INSR: variants seen among roughly 807,000 people sequenced by gnomAD.
INSR encodes the protein IR.
INSR carries 67 observed loss-of-function variants against 142.6 expected under a neutral mutation model. The ratio of observed to expected loss-of-function variants is 0.47; its 90% CI spans 0.39 to 0.58. INSR has a LOEUF of 0.58. Among genes scored for constraint, INSR ranks in the 20% least tolerant of loss-of-function variants. The probability of loss-of-function intolerance (pLI) is 0.00; values close to 1 mark genes in which losing one functional copy is unlikely to be tolerated. For missense variants in INSR, 1,248 were observed against 1,833.2 expected (o/e 0.68, Z 5.83); for synonymous variants, 756 against 743.1 (o/e 1.02, Z -0.28).
At chr19:7,223,715 TG>T (rs376458293) in intron 2 of INSR, among the ~76,000 whole-genome samples, 66 of 152,320 alleles carry the variant, frequency 4.3e-4, no homozygotes, top group Middle Eastern at 3.4e-3. Flanking sequence ...GCTAGGGTTC[TG>T]AAGCCAGAGA....
rs1050978451 is a variant in INSR, at chr19:7,192,139, TAAG to T, written c.653-7505_653-7503del. ...AAGAAAGAGGGAGAAAGAAGAAAGA[TAAG>T]AGAGAGAGAAAGAGAAAGAAAAAGA... On this transcript the variant is annotated intron_variant, in intron 2 of 21. Transcript: ENST00000302850. The surrounding 1 kb of genome is among the most constrained non-coding windows in gnomAD (Gnocchi z 4.2). Among the ~76,000 whole-genome samples, 3 of 88,346 alleles carry T rather than the reference TAAG, an allele frequency of 3.4e-5. No individual in the cohort carries two copies. Among genetic ancestry groups the T allele is most frequent in the African/African-American group, 4.6e-5 (1 of 21,796 alleles). The allele number at this position is 88,346 out of a possible 152,430, so 58.0% of individuals were successfully genotyped here.
At position 7,267,426 on chromosome 19, in the gene INSR, T is replaced by C; in HGVS notation, c.571A>G (p.Lys191Glu). The change falls in exon 2 of 22, where the codon AAG becomes GAG. Residue 191 changes from lysine to glutamate, a missense_variant. Lys to Glu is a moderately conservative substitution (Grantham distance 56, BLOSUM62 1). This residue lies in a region of INSR where 1,069 missense variants were observed against 1,654.0 expected (regional missense o/e 0.65). Transcript: ENST00000302850. The surrounding 1 kb of genome is among the most constrained non-coding windows in gnomAD (Gnocchi z 6.3). ...GTGGCGGGGCAGTTGGTCTTGCCCT[T>C]CGCGGTACCCGGACAGATGTCTCCA... ...ECGDICPGTA[K>E]GKTNCPATVI... 1 of 1,614,106 alleles carries C rather than the reference T, an allele frequency of 6.2e-7. No homozygotes were observed. Among genetic ancestry groups the C allele is most frequent in the Non-Finnish European group, 8.5e-7 (1 of 1,180,002 alleles).
intron 13 of INSR, among the ~76,000 whole-genome samples, chr19:7,137,341 T>G (rs1972956492): frequency 6.6e-6 from 1 of 151,892 alleles, no homozygotes; most frequent in Admixed American, 6.6e-5. Flanking sequence ...GATTGGGCAC[T>G]GGATGTCACA....
In INSR at chr19:7,259,786, TC is replaced by T. The variant is rs1212277364; in HGVS notation, c.652+7558del. Among the ~76,000 whole-genome samples the T allele has an allele frequency of 2.0e-5, 3 of 149,416 alleles. No individual in the cohort carries two copies. The South Asian group carries it at 6.4e-4, about 32-fold the overall frequency. ...GTGAGCTCAGATCATGCCACTGCACTCCAGCCTGGACAACAGAGCGAGACTC... is the reference window on the plus strand; with the variant it reads ...GTGAGCTCAGATCATGCCACTGCACTCAGCCTGGACAACAGAGCGAGACTC... On this transcript the variant is annotated intron_variant, in intron 2 of 21. Transcript: ENST00000302850.
intron 13 of INSR, 46 bp downstream of exon 13, chr19:7,141,631 G>T (rs761314811): frequency 1.2e-6 from 2 of 1,612,084 alleles, no homozygotes; most frequent in Admixed American, 1.7e-5. Flanking sequence ...CTCTGAAGGG[G>T]CATGCTGAAG....
chr19:7,233,339 C>T (rs539453744), intron 2 of INSR, among the ~76,000 whole-genome samples: 106 of 152,212 alleles, frequency 7.0e-4, no homozygotes, highest in East Asian at 7.0e-3. Context: ...AAACAGATCC[C>T]GGAGAACTCC....
chr19:7,135,951 G>A (rs1972912465), intron 13 of INSR, among the ~76,000 whole-genome samples: 1 of 143,784 alleles, frequency 7.0e-6, no homozygotes, highest in Non-Finnish European at 1.5e-5. Context: ...CTGGGCTACA[G>A]AGATAGACTC....
At chr19:7,268,252 A>T (rs1308159845) in intron 1 of INSR, among the ~76,000 whole-genome samples, 2 of 152,032 alleles carry the variant, frequency 1.3e-5, no homozygotes, top group East Asian at 1.9e-4. Context: ...TCAACATAGA[A>T]GATCTTCAGG....
intron 10 of INSR, 46 bp downstream of exon 10, chr19:7,152,680 C>CAATTGGCACCCACT: frequency 6.6e-7 from 1 of 1,516,184 alleles, no homozygotes; most frequent in Non-Finnish European, 9.1e-7. Flanking sequence ...CCACCAACAC[C>CAATTGGCACCCACT]AAGCCAATTG....
At chr19:7,129,401 T>C (rs1418078253) in intron 14 of INSR, among the ~76,000 whole-genome samples, 1 of 152,194 alleles carries the variant, frequency 6.6e-6, no homozygotes, top group Non-Finnish European at 1.5e-5. Context: ...CTCGGCTCAC[T>C]GGAACCTCCT....
chr19:7,134,220 G>A (rs1301415412), intron 13 of INSR, among the ~76,000 whole-genome samples: 4 of 152,098 alleles, frequency 2.6e-5, no homozygotes, highest in Non-Finnish European at 5.9e-5. Flanking sequence ...TAAAAAAAGA[G>A]AACTGTCTGG....
Position 7,267,737 on chromosome 19 carries a change from T to TC in INSR, c.259_260insG (p.Tyr87Ter). The change falls in exon 2 of 22, where the codon TAC becomes TGAC. Residue 87 changes from tyrosine to a stop codon, truncating the protein, a stop_gained and frameshift_variant. Coordinates refer to ENST00000302850, the MANE Select transcript of INSR (RefSeq NM_000208.4). LOFTEE classifies it high-confidence loss of function. The surrounding 1 kb of genome is among the most constrained non-coding windows in gnomAD (Gnocchi z 6.3). ...SFPKLIMITD[Y>*]LLLFRVYGLE... The stretch of plus-strand genomic sequence containing the variant: ...CCCATAGACCCGGAAGAGCAGCAAG[T>TC]AATCAGTGATCATGATGAGTTTGGG... 6.2e-7 allele frequency: 1 copy of TC among 1,614,108 alleles called. No homozygotes were observed. The highest frequency in any genetic ancestry group is 8.5e-7 in the Non-Finnish European group (1 of 1,180,012).
intron 1 of INSR, 44 bp downstream of exon 1, chr19:7,293,748 C>T: frequency 1.5e-6 from 2 of 1,304,988 alleles, no homozygotes; most frequent in Admixed American, 6.9e-5. Context: ...GGGTCCTCTC[C>T]CCATCGCGGC....
At chr19:7,250,313 A>G (rs1191078789) in intron 2 of INSR, among the ~76,000 whole-genome samples, 1 of 148,388 alleles carries the variant, frequency 6.7e-6, no homozygotes, top group Non-Finnish European at 1.5e-5. Flanking sequence ...GGAGGGGAGA[A>G]AAATGAAAGG....
intron 2 of INSR, among the ~76,000 whole-genome samples, chr19:7,187,346 T>C (rs1974458286): frequency 6.6e-6 from 1 of 152,056 alleles, no homozygotes; most frequent in Admixed American, 6.6e-5. Context: ...CCCCCCAAAG[T>C]ACTGGAATTA....
chr19:7,133,080 A>G (rs572143087), intron 13 of INSR, among the ~76,000 whole-genome samples: 1 of 152,050 alleles, frequency 6.6e-6, no homozygotes, highest in Admixed American at 6.6e-5. Flanking sequence ...TGGGCAACAT[A>G]GCCAGACCCC....
At chr19:7,127,445 T>C (rs1402012710) in intron 15 of INSR, among the ~76,000 whole-genome samples, 1 of 152,084 alleles carries the variant, frequency 6.6e-6, no homozygotes, top group Non-Finnish European at 1.5e-5. Context: ...GCAAAGACAA[T>C]ACATGTTCAA....
At chr19:7,137,798 CA>C (rs1176523364) in intron 13 of INSR, among the ~76,000 whole-genome samples, 1,041 of 41,348 alleles carry the variant, frequency 0.025, 1 homozygote, top group African/African-American at 0.092. Context: ...GACTCCATCT[CA>C]AAAAAAAAAA....
intron 3 of INSR, among the ~76,000 whole-genome samples, chr19:7,181,841 A>T (rs1338776730): frequency 1.3e-5 from 2 of 151,046 alleles, no homozygotes; most frequent in South Asian, 4.3e-4. Flanking sequence ...TCGGCCTCCC[A>T]AAGTGCTGGG....
Sources: gnomAD v4.1 joint callset for allele counts (sites outside exome capture counted in the v4.1 genomes callset) on GRCh38, gnomAD v4.1.1 for gene constraint, gnomAD v4.1.1 regional missense constraint, Gnocchi (gnomAD v3.1) non-coding constraint, MANE v1.5 for transcripts, NCBI Gene and HGNC (gene_info 2026-07-23, HGNC 2026-07-21) for gene names.